GABRG3: variants seen among roughly 807,000 people sequenced by gnomAD.
GABRG3 encodes the protein gamma-aminobutyric acid type A receptor subunit gamma3, also known as gamma-aminobutyric acid receptor subunit gamma-3.
In GABRG3, 25 loss-of-function variants were observed where a neutral mutation model predicts 48.8. The observed-to-expected ratio is 0.51, with a 90% confidence interval of 0.37 to 0.72. The LOEUF is 0.72. Ranked by LOEUF, GABRG3 falls within the 30% of genes least tolerant of loss-of-function variation. The pLI is 0.00. For missense variants in GABRG3, 394 were observed against 577.9 expected, an observed-to-expected ratio of 0.68 and a Z score of 3.26; for synonymous variants, 227 against 217.6, an observed-to-expected ratio of 1.04 and a Z score of -0.38.
intron 6 of GABRG3, among the ~76,000 whole-genome samples, chr15:27,486,584 T>C (rs1420256685): frequency 6.6e-6 from 1 of 152,108 alleles, no homozygotes; most frequent in Non-Finnish European, 1.5e-5. Flanking sequence ...GGGCAGGAGC[T>C]CCAGCACTAG....
At chr15:27,137,884 CCTT>C (rs1489198587) in intron 3 of GABRG3, among the ~76,000 whole-genome samples, 6 of 152,100 alleles carry the variant, frequency 3.9e-5, no homozygotes, top group African/African-American at 1.4e-4. Context: ...AAAGGTTTTC[CCTT>C]CTACTTGTTG....
intron 3 of GABRG3, among the ~76,000 whole-genome samples, chr15:27,140,523 G>T (rs528540658): frequency 6.6e-6 from 1 of 152,180 alleles, no homozygotes; most frequent in South Asian, 2.1e-4. Context: ...CTCCTTTTTA[G>T]AACTGACATG....
Position 27,135,673 on chromosome 15 carries a change from G to C in GABRG3, c.270+108852G>C, listed in dbSNP as rs1416141725. 2.0e-5 allele frequency among the ~76,000 whole-genome samples: 3 copies of C among 152,128 alleles called. No homozygotes were observed. The East Asian group carries it at 5.8e-4, about 29-fold the overall frequency. ...TGTAATCCTAGCACTTTGGGAGCCC[G>C]AGGCAGGTGGGTCACGAGGTCAGGA... On this transcript the variant is annotated intron_variant, in intron 3 of 9. Coordinates refer to ENST00000615808, the MANE Select transcript of GABRG3 (RefSeq NM_033223.5).
chr15:27,304,540 C>T (rs1165206115), intron 3 of GABRG3, among the ~76,000 whole-genome samples: 1 of 151,872 alleles, frequency 6.6e-6, no homozygotes, highest in Non-Finnish European at 1.5e-5. Flanking sequence ...TCTGGAGGCT[C>T]AAAGAGAGAA....
chr15:27,451,109 A>G (rs189602581), intron 5 of GABRG3, among the ~76,000 whole-genome samples: 35 of 152,320 alleles, frequency 2.3e-4, no homozygotes, highest in African/African-American at 7.9e-4. Flanking sequence ...ATACTACCCA[A>G]AGTGATCACC....
chr15:27,464,342 T>C (rs918293239), intron 5 of GABRG3, among the ~76,000 whole-genome samples: 1 of 152,238 alleles, frequency 6.6e-6, no homozygotes. Flanking sequence ...GGACATTTTA[T>C]ATAAAGTGAA....
intron 3 of GABRG3, among the ~76,000 whole-genome samples, chr15:27,091,833 G>A (rs983709518): frequency 4.6e-5 from 7 of 152,290 alleles, no homozygotes; most frequent in African/African-American, 1.4e-4. Flanking sequence ...GTACTGCATC[G>A]TGGGGCAGAG....
intron 5 of GABRG3, among the ~76,000 whole-genome samples, chr15:27,411,191 C>T (rs913878054): frequency 3.9e-5 from 6 of 152,084 alleles, no homozygotes; most frequent in African/African-American, 9.7e-5. Context: ...GGATGTTAAA[C>T]GACTGTGGTT....
chr15:27,212,793 G>C (rs1889118307), intron 3 of GABRG3, among the ~76,000 whole-genome samples: 1 of 151,998 alleles, frequency 6.6e-6, no homozygotes, highest in African/African-American at 2.4e-5. Flanking sequence ...GATCATTCTG[G>C]GGTCATTCTA....
chr15:27,115,894 G>C (rs1388894287), intron 3 of GABRG3, among the ~76,000 whole-genome samples: 1 of 152,170 alleles, frequency 6.6e-6, no homozygotes, highest in African/African-American at 2.4e-5. Flanking sequence ...CAATGAAGGG[G>C]TAAAGTCAGA....
At chr15:27,248,903 C>T (rs1352425832) in intron 3 of GABRG3, among the ~76,000 whole-genome samples, 2 of 151,536 alleles carry the variant, frequency 1.3e-5, no homozygotes, top group Non-Finnish European at 2.9e-5. Context: ...GGGGCTGTAC[C>T]ATGAACGGGG....
At chr15:27,049,301 C>T (rs1296667902) in intron 3 of GABRG3, among the ~76,000 whole-genome samples, 5 of 152,220 alleles carry the variant, frequency 3.3e-5, no homozygotes, top group African/African-American at 1.2e-4. Flanking sequence ...TTACATGGGT[C>T]CACAGACTAC....
At chr15:27,152,220 ATTT>A (rs1898329794) in intron 3 of GABRG3, among the ~76,000 whole-genome samples, 1 of 152,116 alleles carries the variant, frequency 6.6e-6, no homozygotes, top group Non-Finnish European at 1.5e-5. Flanking sequence ...TTCCAGCACA[ATTT>A]GCTGAAAAGA....
rs371213315 is a variant in GABRG3 at position 27,193,596 on chromosome 15, A to G, written c.271-133213A>G. ...AAAAGTGCAGTATTCGGGTGGGAGTAACCCGATTTTCCAGGTGCTGTCTGT... is the reference window on the plus strand; with the variant it reads ...AAAAGTGCAGTATTCGGGTGGGAGTGACCCGATTTTCCAGGTGCTGTCTGT... On this transcript the variant is annotated intron_variant, in intron 3 of 9. Coordinates refer to ENST00000615808, the MANE Select transcript of GABRG3 (RefSeq NM_033223.5). Among the ~76,000 whole-genome samples the G allele has an allele frequency of 7.2e-5, 11 of 152,272 alleles. No individual in the cohort carries two copies. The South Asian group carries it at 1.7e-3, about 23-fold the overall frequency.
At chr15:27,256,936 C>A (rs1890638767) in intron 3 of GABRG3, among the ~76,000 whole-genome samples, 1 of 152,206 alleles carries the variant, frequency 6.6e-6, no homozygotes, top group Admixed American at 6.5e-5. Flanking sequence ...AGATACCCAG[C>A]AGTGGGATTG....
intron 3 of GABRG3, among the ~76,000 whole-genome samples, chr15:27,225,381 C>T (rs905578327): frequency 2.6e-5 from 4 of 152,074 alleles, no homozygotes; most frequent in Non-Finnish European, 2.9e-5. Flanking sequence ...GAATCGGAGC[C>T]GGTGCTTAGG....
In GABRG3 at chr15:27,026,771, G is replaced by A. The variant is rs758395694; in HGVS notation, c.220G>A (p.Asp74Asn). 1 of 1,611,530 alleles carries A rather than the reference G, an allele frequency of 6.2e-7. No homozygotes were observed. The highest frequency in any genetic ancestry group is 2.2e-5 in the East Asian group (1 of 44,832). Residue 74 changes from aspartate (D) to asparagine (N), a missense_variant, in exon 3 of 10, where the codon GAC becomes AAC. Transcript: ENST00000615808. ...CTCCACAGTAAAACCGACCGTAATT[G>A]ACGTTGACATTTATGTTAACAGCAT... is the stretch of plus-strand genomic sequence containing the variant. ...PDIGIKPTVIDVDIYVNSIGP... is the reference protein window; with the variant it reads ...PDIGIKPTVINVDIYVNSIGP...
intron 5 of GABRG3, among the ~76,000 whole-genome samples, chr15:27,475,677 T>G (rs1030601623): frequency 4.6e-5 from 7 of 151,034 alleles, no homozygotes; most frequent in Admixed American, 2.0e-4. Context: ...AGTAATCATG[T>G]TGGTGGTGTT....
intron 3 of GABRG3, among the ~76,000 whole-genome samples, chr15:27,226,140 T>C (rs1000691279): frequency 7.9e-5 from 12 of 152,074 alleles, no homozygotes; most frequent in African/African-American, 2.9e-4. Flanking sequence ...AGTAGGGCCC[T>C]GAGCTGGCAG....
Sources: allele counts gnomAD v4.1 joint callset (sites outside exome capture counted in the v4.1 genomes callset), GRCh38; gene constraint gnomAD v4.1.1; transcripts MANE v1.5; gene names NCBI Gene and HGNC (gene_info 2026-07-23, HGNC 2026-07-21).